DIAPH2: variants seen among roughly 807,000 people sequenced by gnomAD.
DIAPH2 encodes diaphanous related formin 2.
A neutral mutation model predicts 92.7 loss-of-function variants in DIAPH2; 35 were observed. The observed-to-expected ratio is 0.38, with a 90% CI of 0.29 to 0.50. The LOEUF (loss-of-function observed/expected upper bound fraction) is 0.50. Ranked by LOEUF, DIAPH2 falls within the 20% of genes least tolerant of loss-of-function variation. The pLI, the probability that DIAPH2 is intolerant of heterozygous loss-of-function variation, is 0.94. For synonymous variants in DIAPH2, 301 were observed against 280.4 expected, an observed-to-expected ratio of 1.07 and a Z score of -0.73; for missense variants, 701 against 819.5, an observed-to-expected ratio of 0.86 and a Z score of 1.77.
chrX:97,299,398 A>G (rs990376234), intron 23 of DIAPH2, among the ~76,000 whole-genome samples: 1 of 111,966 alleles, frequency 8.9e-6, no homozygotes, highest in African/African-American at 3.2e-5. Flanking sequence ...AGAAAATGCT[A>G]GATGGAAAAG....
At chrX:96,867,905 G>A (rs2065115770) in intron 4 of DIAPH2, among the ~76,000 whole-genome samples, 1 of 111,606 alleles carries the variant, frequency 9.0e-6, no homozygotes, top group South Asian at 3.8e-4. Flanking sequence ...TGGCAACATA[G>A]GGTACACACT....
At chrX:97,373,603 CTT>C (rs769067046) in intron 24 of DIAPH2, among the ~76,000 whole-genome samples, 3 of 71,580 alleles carry the variant, frequency 4.2e-5, no homozygotes, top group Non-Finnish European at 2.7e-5. Flanking sequence ...AAGGGAGATA[CTT>C]TTTTTTTTTT....
intron 4 of DIAPH2, among the ~76,000 whole-genome samples, chrX:96,873,425 A>C (rs1439616650): frequency 9.1e-6 from 1 of 110,160 alleles, no homozygotes; most frequent in Non-Finnish European, 1.9e-5. Context: ...TTTGAACTTG[A>C]TGTGATTCCA....
intron 26 of DIAPH2, among the ~76,000 whole-genome samples, chrX:97,531,012 T>C (rs191943615): frequency 1.7e-3 from 187 of 111,031 alleles, no homozygotes; most frequent in African/African-American, 5.9e-3. Flanking sequence ...GAGGCCATGA[T>C]GGTGATAAGG....
chrX:97,074,996 A>C (rs1464172017), intron 18 of DIAPH2, among the ~76,000 whole-genome samples, 171 bp from the exon 19 acceptor site: 1 of 112,015 alleles, frequency 8.9e-6, no homozygotes, highest in Non-Finnish European at 1.9e-5. Context: ...CATTTTGTCT[A>C]GATGGATAGA....
At chrX:97,514,369 T>G (rs2070922656) in intron 26 of DIAPH2, among the ~76,000 whole-genome samples, 1 of 112,121 alleles carries the variant, frequency 8.9e-6, no homozygotes, top group African/African-American at 3.2e-5. Context: ...ATCAGCTCCT[T>G]TAAGCACTTC....
At chrX:96,810,244 T>G (rs1002451551) in intron 4 of DIAPH2, among the ~76,000 whole-genome samples, 1 of 112,523 alleles carries the variant, frequency 8.9e-6, no homozygotes, top group African/African-American at 3.2e-5. Context: ...ATTGTGGTTT[T>G]GATTTGCATT....
chrX:96,924,087 C>T, intron 9 of DIAPH2, among the ~76,000 whole-genome samples: 1 of 111,523 alleles, frequency 9.0e-6, no homozygotes, highest in Middle Eastern at 4.6e-3. Context: ...GTACTCAGAC[C>T]ATCACATATG....
Position 96,854,616 on chromosome X carries a change from T to G in DIAPH2, c.448-26963T>G, listed in dbSNP as rs1273627128. Among the ~76,000 whole-genome samples the G allele has an allele frequency of 5.8e-5, 4 of 68,758 alleles. 1 individual carries two copies. In the Admixed American group the frequency reaches 6.4e-4, roughly 11 times the overall value. The allele number at this position is 68,758 out of a possible 115,157, so 59.7% of individuals were successfully genotyped here. On this transcript the variant is annotated intron_variant, in intron 4 of 26. Coordinates refer to ENST00000324765, the MANE Select transcript of DIAPH2 (RefSeq NM_006729.5). The stretch of plus-strand genomic sequence containing the variant: ...TCTCTCTCATATATATATATATATA[T>G]ATATATATATATATATATATATATA...
intron 17 of DIAPH2, among the ~76,000 whole-genome samples, chrX:96,979,624 C>G (rs764078006): frequency 8.9e-6 from 1 of 112,307 alleles, no homozygotes; most frequent in South Asian, 3.8e-4. Context: ...AGACACTGAG[C>G]TTGCAGGAAG....
At chrX:97,442,681 G>C (rs575189767) in intron 26 of DIAPH2, 1 of 111,718 alleles carries the variant, frequency 9.0e-6, no homozygotes, top group East Asian at 2.8e-4. Flanking sequence ...AGATTTACCT[G>C]GACATGAATG....
intron 26 of DIAPH2, among the ~76,000 whole-genome samples, chrX:97,559,200 A>C (rs779394021): frequency 1.8e-5 from 2 of 112,031 alleles, no homozygotes; most frequent in Admixed American, 1.9e-4. Context: ...TAGAAATATA[A>C]AACAGTCCGG....
chrX:97,365,986 C>T (rs1405960205), intron 24 of DIAPH2, among the ~76,000 whole-genome samples: 6 of 111,481 alleles, frequency 5.4e-5, no homozygotes, highest in Admixed American at 2.9e-4. Context: ...CCATCGCACC[C>T]GGTGCTCATA....
chrX:96,961,575 G>T (rs2065849090), intron 16 of DIAPH2, among the ~76,000 whole-genome samples: 1 of 108,340 alleles, frequency 9.2e-6, no homozygotes, highest in South Asian at 4.0e-4. Context: ...CTGATTTGGG[G>T]TTTGGTTTGT....
chrX:97,037,452 A>C (rs2066418834), intron 17 of DIAPH2, among the ~76,000 whole-genome samples: 1 of 111,507 alleles, frequency 9.0e-6, no homozygotes, highest in Non-Finnish European at 1.9e-5. Flanking sequence ...GGATATTTTC[A>C]TGTTTCCTTT....
chrX:97,245,339 G>A (rs550396771), intron 22 of DIAPH2, among the ~76,000 whole-genome samples: 2 of 109,142 alleles, frequency 1.8e-5, no homozygotes, highest in African/African-American at 6.7e-5. Context: ...TTTAAGGCAG[G>A]GTCTCACTCT....
At chrX:97,593,144 T>TA (rs1231409564) in intron 26 of DIAPH2, among the ~76,000 whole-genome samples, 1 of 111,577 alleles carries the variant, frequency 9.0e-6, no homozygotes, top group Non-Finnish European at 1.9e-5. Context: ...AAATGTGTCC[T>TA]AAAAAATACA....
chrX:97,350,453 A>C (rs2069201866), intron 24 of DIAPH2, among the ~76,000 whole-genome samples: 1 of 111,201 alleles, frequency 9.0e-6, no homozygotes, highest in East Asian at 2.8e-4. Context: ...TTGCCCCCCC[A>C]TGTTGCAGCA....
At chrX:97,305,616 T>C (rs1483302125) in intron 23 of DIAPH2, among the ~76,000 whole-genome samples, 2 of 109,321 alleles carry the variant, frequency 1.8e-5, no homozygotes, top group Non-Finnish European at 3.8e-5. Context: ...GGTCAGGAGT[T>C]CGAGACCAAC....
Sources: allele counts gnomAD v4.1 joint callset (sites outside exome capture counted in the v4.1 genomes callset), GRCh38; gene constraint gnomAD v4.1.1; transcripts MANE v1.5; gene names NCBI Gene and HGNC (gene_info 2026-07-23, HGNC 2026-07-21).